The following MTAP variants were observed in gnomAD, a reference collection of about 807,000 sequenced individuals.
The protein encoded by MTAP is methylthioadenosine phosphorylase, also known as S-methyl-5'-thioadenosine phosphorylase.
Under a neutral mutation model 33.6 loss-of-function variants are expected in MTAP, and 33 were observed. That is an observed-to-expected ratio of 0.98 (90% CI 0.74 to 1.31). The LOEUF is 1.31. Among genes scored for constraint, MTAP ranks in the 40% most tolerant of loss-of-function variants. The pLI is 0.00. For missense variants in MTAP, 367 were observed against 360.0 expected (o/e 1.02, Z -0.16); for synonymous variants, 148 against 125.7 (o/e 1.18, Z -1.19).
intron 1 of MTAP, among the ~76,000 whole-genome samples, chr9:21,910,309 A>G (rs985229534): frequency 6.6e-6 from 1 of 152,170 alleles, no homozygotes; most frequent in Admixed American, 6.6e-5. Flanking sequence ...GGAAGAAAAT[A>G]AACAATAGCT....
At chr9:21,897,559 A>C (rs1818317166) in intron 1 of MTAP, among the ~76,000 whole-genome samples, 1 of 152,230 alleles carries the variant, frequency 6.6e-6, no homozygotes, top group Non-Finnish European at 1.5e-5. Flanking sequence ...CAATGTGAAA[A>C]CATCACAAGC....
chr9:21,919,063 A>G (rs757519064), intron 1 of MTAP, among the ~76,000 whole-genome samples: 2 of 152,226 alleles, frequency 1.3e-5, no homozygotes, highest in African/African-American at 4.8e-5. Flanking sequence ...AGAATTGAGC[A>G]TTCAATTTAG....
intron 5 of MTAP, among the ~76,000 whole-genome samples, chr9:21,843,569 A>C (rs1015934387): frequency 2.8e-4 from 43 of 152,328 alleles, no homozygotes; most frequent in African/African-American, 9.1e-4. Flanking sequence ...AAGTGGAATA[A>C]AATTGGAAAT....
At chr9:21,885,163 A>C (rs1004795704) in intron 1 of MTAP, among the ~76,000 whole-genome samples, 20 of 152,184 alleles carry the variant, frequency 1.3e-4, no homozygotes, top group African/African-American at 4.3e-4. Flanking sequence ...AAGAAGAAAA[A>C]CAGTTTATGC....
At chr9:21,859,211 A>C in intron 6 of MTAP, 92 bp from the exon 7 acceptor site, 1 of 1,504,572 alleles carries the variant, frequency 6.6e-7, no homozygotes, top group Non-Finnish European at 8.9e-7. Context: ...ACAAACATTT[A>C]GGCTGTAGCA....
At chr9:21,835,748 T>A (rs1252971284) in intron 4 of MTAP, among the ~76,000 whole-genome samples, 1 of 152,228 alleles carries the variant, frequency 6.6e-6, no homozygotes, top group African/African-American at 2.4e-5. Context: ...GTAAACCTCA[T>A]TGCTCTTGGT....
At chr9:21,835,008 T>A (rs1825068943) in intron 4 of MTAP, among the ~76,000 whole-genome samples, 1 of 152,190 alleles carries the variant, frequency 6.6e-6, no homozygotes, top group Admixed American at 6.5e-5. Flanking sequence ...GGGTAGCTTC[T>A]AAGCAACAGA....
intron 1 of MTAP, chr9:21,893,939 A>ACG (rs895777627): frequency 2.0e-5 from 3 of 151,720 alleles, no homozygotes; most frequent in African/African-American, 7.3e-5. Flanking sequence ...ACACACACAC[A>ACG]CACACACACA....
chr9:21,834,223 G>A (rs1825045451), intron 4 of MTAP, among the ~76,000 whole-genome samples: 1 of 152,146 alleles, frequency 6.6e-6, no homozygotes, highest in Non-Finnish European at 1.5e-5. Flanking sequence ...TAAGGTAAGT[G>A]GGATTACTCC....
At chr9:21,824,638 G>C (rs928827817) in intron 4 of MTAP, among the ~76,000 whole-genome samples, 1 of 152,192 alleles carries the variant, frequency 6.6e-6, no homozygotes, top group Admixed American at 6.5e-5. Context: ...TGTCAGACAG[G>C]GACATTTAAG....
At chr9:21,845,068 C>T (rs899208477) in intron 5 of MTAP, among the ~76,000 whole-genome samples, 1 of 151,366 alleles carries the variant, frequency 6.6e-6, no homozygotes. Flanking sequence ...AAACCCACAG[C>T]CAGTGTTATA....
At chr9:21,839,251 G>A (rs1447718525) in intron 5 of MTAP, among the ~76,000 whole-genome samples, 1 of 151,078 alleles carries the variant, frequency 6.6e-6, no homozygotes, top group African/African-American at 2.4e-5. Flanking sequence ...GTTATCCACA[G>A]AATGTATCAG....
At position 21,803,036 on chromosome 9, in the gene MTAP, A is replaced by ACACACC. The variant is rs1020757334; in HGVS notation, c.33+256_33+257insACACCC. The ACACACC allele has an allele frequency of 1.4e-4, 148 of 1,039,874 alleles. 4 individuals are homozygous for ACACACC. The highest frequency in any genetic ancestry group is 9.0e-4 in the African/African-American group (49 of 54,732). The allele number at this position is 1,039,874 out of a possible 1,614,324, so 64.4% of individuals were successfully genotyped here. A position where few individuals can be genotyped will look rare whatever the true frequency, so the allele number is the denominator to read the frequency against. ...CACACACACACACACACACACACAC[A>ACACACC]CCACCTTTTGGCTTATCTGCACCCG... On this transcript the variant is annotated intron_variant, in intron 1 of 7. Transcript: ENST00000644715.
chr9:21,910,018 C>CTT (rs933848219), intron 1 of MTAP, among the ~76,000 whole-genome samples: 99 of 152,296 alleles, frequency 6.5e-4, no homozygotes, highest in African/African-American at 1.9e-3. Context: ...CCAGGGAACT[C>CTT]TAACCCATCT....
chr9:21,870,341 G>T (rs1237484404), downstream of MTAP, among the ~76,000 whole-genome samples: 1 of 152,136 alleles, frequency 6.6e-6, no homozygotes, highest in African/African-American at 2.4e-5. Context: ...CCTCCAAAAT[G>T]TACAACCTCT....
chr9:21,899,735 G>A (rs558356221), intron 1 of MTAP, among the ~76,000 whole-genome samples: 13 of 152,196 alleles, frequency 8.5e-5, no homozygotes, highest in South Asian at 2.1e-4. Flanking sequence ...ACCTGGTCCC[G>A]CCCTTGACAC....
At chr9:21,926,697 A>G (rs1818875086) in intron 1 of MTAP, among the ~76,000 whole-genome samples, 1 of 152,214 alleles carries the variant, frequency 6.6e-6, no homozygotes, top group South Asian at 2.1e-4. Context: ...TGTCTCCTAC[A>G]GTACATAGAT....
In MTAP at chr9:21,842,246, A is replaced by G. The variant is rs549165833; in HGVS notation, c.450+4236A>G. Reference sequence around the variant, plus strand: ...ACAAAGAAAAAGAATTTTAAAATGAAATTTTAAAAGAAATTTGGGTTTATG... The same window carrying G: ...ACAAAGAAAAAGAATTTTAAAATGAGATTTTAAAAGAAATTTGGGTTTATG... On this transcript the variant is annotated intron_variant, in intron 5 of 7. Coordinates refer to ENST00000644715, the MANE Select transcript of MTAP (RefSeq NM_002451.4). Among the ~76,000 whole-genome samples the G allele has an allele frequency of 2.8e-4, 42 of 152,266 alleles. No individual in the cohort carries two copies. The South Asian group carries it at 7.5e-3, about 27-fold the overall frequency.
At chr9:21,887,318 G>A (rs1344417592) in intron 1 of MTAP, among the ~76,000 whole-genome samples, 2 of 150,908 alleles carry the variant, frequency 1.3e-5, no homozygotes, top group Non-Finnish European at 2.9e-5. Flanking sequence ...GTGTCCATGT[G>A]TTCTCATGGT....
Sources: gnomAD v4.1 joint callset for allele counts (sites outside exome capture counted in the v4.1 genomes callset) on GRCh38, gnomAD v4.1.1 for gene constraint, MANE v1.5 for transcripts, NCBI Gene and HGNC (gene_info 2026-07-23, HGNC 2026-07-21) for gene names.